PPA1: variants seen among roughly 807,000 people sequenced by gnomAD.
The protein encoded by PPA1 is inorganic pyrophosphatase 1.
A neutral mutation model predicts 41.8 loss-of-function variants in PPA1; 23 were observed. That is an observed-to-expected ratio of 0.55 (90% CI 0.40 to 0.78). The LOEUF (loss-of-function observed/expected upper bound fraction) is 0.78, where lower values mean the gene tolerates loss of function less well. Ranked by LOEUF, PPA1 falls within the 30% of genes least tolerant of loss-of-function variation. PPA1 has a pLI of 0.00. For missense variants in PPA1, 320 were observed against 361.6 expected, an observed-to-expected ratio of 0.89 and a Z score of 0.93; for synonymous variants, 101 against 116.8, an observed-to-expected ratio of 0.86 and a Z score of 0.87.
intron 2 of PPA1, among the ~76,000 whole-genome samples, chr10:70,221,083 T>A (rs1331018647): frequency 0.015 from 394 of 26,752 alleles, 36 homozygotes; most frequent in African/African-American, 0.03. Context: ...TATATTTTTT[T>A]TTTTTTTTTT....
intron 2 of PPA1, among the ~76,000 whole-genome samples, chr10:70,228,036 C>T (rs1346380324): frequency 6.6e-6 from 1 of 152,094 alleles, no homozygotes; most frequent in Non-Finnish European, 1.5e-5. Context: ...TAAAACAAAA[C>T]AAAAGAATTC....
At chr10:70,221,485 CCT>C (rs1009957482) in intron 2 of PPA1, among the ~76,000 whole-genome samples, 9 of 152,034 alleles carry the variant, frequency 5.9e-5, no homozygotes, top group Admixed American at 6.6e-5. Flanking sequence ...CTGCTCTATC[CCT>C]GTTTCCCTCT....
At chr10:70,220,880 T>TATATA (rs1236855455) in intron 2 of PPA1, among the ~76,000 whole-genome samples, 1 of 14,212 alleles carries the variant, frequency 7.0e-5, no homozygotes, top group Non-Finnish European at 1.1e-4. Context: ...TAATATATAC[T>TATATA]TTATATATAC....
At chr10:70,213,929 T>C (rs1315234187) in intron 5 of PPA1, among the ~76,000 whole-genome samples, 1 of 152,230 alleles carries the variant, frequency 6.6e-6, no homozygotes, top group Non-Finnish European at 1.5e-5. Flanking sequence ...TTTTATTTTA[T>C]AAAAGTCATG....
intron 2 of PPA1, among the ~76,000 whole-genome samples, chr10:70,224,329 A>G (rs9284077): frequency 0.89 from 135,126 of 151,404 alleles, 60,484 homozygotes; most frequent in East Asian, 1. Context: ...ACAACAAAAC[A>G]TTAAAGATGT....
rs1297346952 is a variant in PPA1 at position 70,206,423 on chromosome 10, T to C, written c.726-90A>G. The C allele has an allele frequency of 4.3e-6, 4 of 925,814 alleles. No homozygotes were observed. The Admixed American group carries it at 6.3e-5, about 15-fold the overall frequency. The allele number at this position is 925,814 out of a possible 1,614,324, so 57.3% of individuals were successfully genotyped here. On this transcript the variant is annotated intron_variant, in intron 8 of 10. Transcript: ENST00000373232. ...AATGAGTTGAAAGTGGTTGACCAGG[T>C]GATATTCAAGTTTAGTTTAGTCGAA...
intron 2 of PPA1, among the ~76,000 whole-genome samples, chr10:70,228,201 A>G (rs1004963760): frequency 6.6e-6 from 1 of 152,176 alleles, no homozygotes; most frequent in East Asian, 1.9e-4. Context: ...TATAGACACA[A>G]CCAGTCCCTT....
In PPA1 at chr10:70,220,775, A is replaced by AT. The variant is rs1491428371; in HGVS notation, c.124-1959_124-1958insA. ...TAATATATATAATTTATATATATATAATATATATAATTTATATATATATAA... is the reference window on the plus strand; with the variant it reads ...TAATATATATAATTTATATATATATATATATATATAATTTATATATATATAA... On this transcript the variant is annotated intron_variant, in intron 2 of 10. Coordinates refer to ENST00000373232, the MANE Select transcript of PPA1 (RefSeq NM_021129.4). Among the ~76,000 whole-genome samples the AT allele has an allele frequency of 4.1e-4, 5 of 12,100 alleles. 1 individual carries two copies. The highest frequency in any genetic ancestry group is 1.3e-3 in the African/African-American group (5 of 3,942). 7.9% of individuals were successfully genotyped at this position (12,100 alleles called of 152,430 possible).
chr10:70,232,355 C>T (rs1166793927), intron 1 of PPA1, among the ~76,000 whole-genome samples: 1 of 152,098 alleles, frequency 6.6e-6, no homozygotes, highest in East Asian at 1.9e-4. Flanking sequence ...CCGTTATCGC[C>T]CATAATCTAC....
chr10:70,232,115 G>T (rs1840295210), intron 1 of PPA1, among the ~76,000 whole-genome samples: 1 of 152,162 alleles, frequency 6.6e-6, no homozygotes, highest in Non-Finnish European at 1.5e-5. Flanking sequence ...GATTTTACCT[G>T]ATAGTTAACC....
chr10:70,217,688 T>C, intron 4 of PPA1, 124 bp downstream of exon 4: 1 of 791,386 alleles, frequency 1.3e-6, no homozygotes, highest in Non-Finnish European at 1.8e-6. Context: ...TATCCCTTCT[T>C]ATGTTTTCAA....
At chr10:70,215,882 T>C (rs765663528) in intron 4 of PPA1, among the ~76,000 whole-genome samples, 1 of 152,230 alleles carries the variant, frequency 6.6e-6, no homozygotes, top group Non-Finnish European at 1.5e-5. Context: ...TGGTTTTCTT[T>C]CCTTCCTAAA....
At chr10:70,222,458 T>G (rs77654718) in intron 2 of PPA1, among the ~76,000 whole-genome samples, 1 of 151,958 alleles carries the variant, frequency 6.6e-6, no homozygotes, top group African/African-American at 2.4e-5. Context: ...CACCAGGATG[T>G]GCCAGGCACT....
chr10:70,206,704 CATG>C, intron 8 of PPA1, among the ~76,000 whole-genome samples: 1 of 150,572 alleles, frequency 6.6e-6, no homozygotes, highest in East Asian at 2.0e-4. Flanking sequence ...ATTAGCCGGG[CATG>C]GTGGCGCATG....
intron 4 of PPA1, among the ~76,000 whole-genome samples, 178 bp downstream of exon 4, chr10:70,217,634 T>C (rs368300286): frequency 6.6e-6 from 1 of 152,258 alleles, no homozygotes; most frequent in East Asian, 1.9e-4. Flanking sequence ...AAATATTTAG[T>C]TTATCTTGAA....
rs928132331 is a variant in PPA1, at chr10:70,214,451, A to G, written c.384+49T>C. 3 of 1,439,674 alleles carry G rather than the reference A, an allele frequency of 2.1e-6. No individual in the cohort carries two copies. In the African/African-American group the frequency reaches 4.2e-5, roughly 20 times the overall value. The allele number at this position is 1,439,674 out of a possible 1,614,324, so 89.2% of individuals were successfully genotyped here. ...TTTTTTAAAGTATGAAATTTGGTAT[A>G]CTTCATTAATATCTCAACACTAAAG... On this transcript the variant is annotated intron_variant, in intron 5 of 10. Transcript: ENST00000373232.
At chr10:70,218,023 C>T (rs1840098518) in intron 3 of PPA1, 92 bp from the exon 4 acceptor site, 1 of 1,150,622 alleles carries the variant, frequency 8.7e-7, no homozygotes, top group Non-Finnish European at 1.2e-6. Context: ...TACCTATGTT[C>T]CCTAATTCCA....
At chr10:70,232,317 G>C (rs1185606437) in intron 1 of PPA1, among the ~76,000 whole-genome samples, 3 of 152,120 alleles carry the variant, frequency 2.0e-5, no homozygotes, top group Non-Finnish European at 4.4e-5. Flanking sequence ...CAATAGAAGC[G>C]CCTGTGGTGA....
intron 4 of PPA1, among the ~76,000 whole-genome samples, chr10:70,216,406 G>A (rs970671240): frequency 6.6e-6 from 1 of 151,378 alleles, no homozygotes; most frequent in African/African-American, 2.4e-5. Flanking sequence ...AGAATCACTC[G>A]AACCTGAGAG....
Sources: allele counts gnomAD v4.1 joint callset (sites outside exome capture counted in the v4.1 genomes callset), GRCh38; gene constraint gnomAD v4.1.1; transcripts MANE v1.5; gene names NCBI Gene and HGNC (gene_info 2026-07-23, HGNC 2026-07-21).